The following ART1 variants were observed in gnomAD, a reference collection of about 807,000 sequenced individuals.
ART1 encodes the protein GPI-linked NAD(P)(+)--arginine ADP-ribosyltransferase 1.
ART1 carries 29 observed loss-of-function variants against 27.0 expected under a neutral mutation model. The ratio of observed to expected loss-of-function variants is 1.08; its 90% CI spans 0.80 to 1.47. The LOEUF is 1.47. ART1 is among the 40% of genes most tolerant of loss of function. The pLI is 0.00. For synonymous variants in ART1, 201 were observed against 172.2 expected (o/e 1.17, Z -1.31); for missense variants, 480 against 423.0 (o/e 1.13, Z -1.18).
intron 1 of ART1, among the ~76,000 whole-genome samples, chr11:3,656,353 G>GGCTT (rs1306852348): frequency 1.5e-5 from 2 of 133,174 alleles, no homozygotes; most frequent in East Asian, 4.2e-4. Flanking sequence ...CCTGTAGCCT[G>GGCTT]GCTTATTTAT....
chr11:3,652,341 G>A (rs547949937), intron 1 of ART1, among the ~76,000 whole-genome samples: 3 of 149,240 alleles, frequency 2.0e-5, no homozygotes, highest in Non-Finnish European at 4.4e-5. Flanking sequence ...TCTGAAAACA[G>A]ACCAGCCTTT....
In ART1 at chr11:3,663,033, A is replaced by ATCTCATC. The variant is rs756357966; in HGVS notation, c.887-1057_887-1056insTCATCTC. On this transcript the variant is annotated intron_variant, in intron 4 of 4. Coordinates refer to ENST00000250693, the MANE Select transcript of ART1 (RefSeq NM_004314.3). ...TCATCTCATCATCTCATCTCATCTC[A>ATCTCATC]TCATCTCATCTCATCTCATCTCATC... Among the ~76,000 whole-genome samples, 348 of 82,412 alleles carry ATCTCATC rather than the reference A, an allele frequency of 4.2e-3. 14 individuals carry two copies. Among genetic ancestry groups the ATCTCATC allele is most frequent in the African/African-American group, 0.016 (332 of 20,866 alleles). The allele number at this position is 82,412 out of a possible 152,430, so 54.1% of individuals were successfully genotyped here.
At chr11:3,655,840 T>G (rs143155983) in intron 1 of ART1, among the ~76,000 whole-genome samples, 273 of 151,694 alleles carry the variant, frequency 1.8e-3, no homozygotes, top group African/African-American at 6.3e-3. Context: ...AGCCCATGAC[T>G]GGATTCTACA....
intron 1 of ART1, among the ~76,000 whole-genome samples, chr11:3,650,627 T>C (rs1027815981): frequency 4.6e-5 from 7 of 152,196 alleles, no homozygotes; most frequent in African/African-American, 1.7e-4. Context: ...TCCCCAACTC[T>C]AGTGCCAACT....
Position 3,661,424 on chromosome 11 carries a change from C to T in ART1, c.886+11C>T. The T allele has an allele frequency of 1.2e-6, 2 of 1,609,316 alleles. No homozygotes were observed. Among genetic ancestry groups the T allele is most frequent in the Non-Finnish European group, 1.7e-6 (2 of 1,178,296 alleles). On this transcript the variant is annotated intron_variant, in intron 4 of 4. Transcript: ENST00000250693. ...ATCTGGATAATTCAGGTAAGGGCTG[C>T]AGGCACCTGTGGGACTCAGTTCAGG...
intron 1 of ART1, among the ~76,000 whole-genome samples, chr11:3,658,213 G>C (rs1369086468): frequency 6.6e-6 from 1 of 151,514 alleles, no homozygotes; most frequent in Non-Finnish European, 1.5e-5. Context: ...GGCACCTCTA[G>C]TCCCAGCTAC....
chr11:3,659,116 G>A (rs2077597130), intron 1 of ART1, 46 bp from the exon 2 acceptor site: 6 of 1,158,920 alleles, frequency 5.2e-6, no homozygotes, highest in Admixed American at 4.0e-5. Flanking sequence ...ACTAAGTGTC[G>A]ATTCATGTTT....
chr11:3,659,826 C>T lies in ART1; in HGVS notation c.307C>T (p.Pro103Ser), dbSNP rs922670653. ...AGAGTGGAGTCTCAGCCCCACCCGT[C>T]CATCCCCGCCACCCCTGGGCTTCCG... is the stretch of plus-strand genomic sequence containing the variant. ...WPEWSLSPTRPSPPPLGFRDE... is the reference protein window; with the variant it reads ...WPEWSLSPTRSSPPPLGFRDE... The change falls in exon 3 of 5, where the codon CCA becomes TCA. Residue 103 changes from proline (P) to serine (S), a missense_variant. Transcript: ENST00000250693. 3 of 1,612,042 alleles carry T rather than the reference C, an allele frequency of 1.9e-6. No individual in the cohort carries two copies. The highest frequency in any genetic ancestry group is 1.7e-6 in the Non-Finnish European group (2 of 1,179,414).
chr11:3,653,681 C>A (rs888394378), intron 1 of ART1, among the ~76,000 whole-genome samples: 1 of 152,154 alleles, frequency 6.6e-6, no homozygotes, highest in South Asian at 2.1e-4. Context: ...CGCTTCTCCT[C>A]TGTGTTTCTA....
Position 3,660,209 on chromosome 11 carries a change from G to A in ART1, c.690G>A (p.Lys230=). The change falls in exon 3 of 5, where the codon AAG becomes AAA. Residue 230 remains lysine (K), a synonymous_variant. Transcript: ENST00000250693. ...GIWTCLGAPI[K]GYSFFPGEEE... is the part of the protein sequence containing the mutation. ...GGACCTGCCTTGGGGCCCCTATCAA[G>A]GGCTACTCCTTCTTCCCTGGAGAGG... 6.2e-7 allele frequency: 1 copy of A among 1,614,072 alleles called. No homozygotes were observed. Among genetic ancestry groups the A allele is most frequent in the East Asian group, 2.2e-5 (1 of 44,870 alleles).
At chr11:3,658,500 C>T (rs1247073855) in intron 1 of ART1, among the ~76,000 whole-genome samples, 2 of 152,116 alleles carry the variant, frequency 1.3e-5, no homozygotes, top group South Asian at 2.1e-4. Context: ...CTTAGGGAAA[C>T]TGGTATCCTC....
intron 1 of ART1, among the ~76,000 whole-genome samples, chr11:3,650,087 C>A (rs1379356625): frequency 1.3e-5 from 2 of 152,160 alleles, no homozygotes; most frequent in African/African-American, 4.8e-5. Flanking sequence ...TTCTGAGTTG[C>A]AACTACTTGT....
chr11:3,663,058 CT>C (rs2077632539), intron 4 of ART1, among the ~76,000 whole-genome samples: 1 of 118,394 alleles, frequency 8.4e-6, no homozygotes, highest in African/African-American at 3.9e-5. Flanking sequence ...CTCATCTCAT[CT>C]CATCTCATCT....
At chr11:3,648,832 CT>C (rs769426327) in intron 1 of ART1, among the ~76,000 whole-genome samples, 11 of 151,648 alleles carry the variant, frequency 7.3e-5, no homozygotes, top group Non-Finnish European at 1.2e-4. Flanking sequence ...CCCTTCTCTG[CT>C]TTTCTGGGGG....
At chr11:3,649,725 A>AT (rs2077502955) in intron 1 of ART1, among the ~76,000 whole-genome samples, 1 of 152,098 alleles carries the variant, frequency 6.6e-6, no homozygotes, top group Non-Finnish European at 1.5e-5. Flanking sequence ...CTGCCCAGCA[A>AT]TTTCCTCTTA....
At chr11:3,661,849 A>T (rs1282325367) in intron 4 of ART1, among the ~76,000 whole-genome samples, 1 of 152,214 alleles carries the variant, frequency 6.6e-6, no homozygotes, top group Non-Finnish European at 1.5e-5. Flanking sequence ...AAAAAAGTGC[A>T]CTAGCTGAAG....
intron 1 of ART1, among the ~76,000 whole-genome samples, chr11:3,654,734 A>G (rs1372847478): frequency 1.0e-5 from 1 of 100,098 alleles, no homozygotes; most frequent in Non-Finnish European, 2.0e-5. Flanking sequence ...TCCACCTCCT[A>G]CCTCTGTCTA....
intron 1 of ART1, among the ~76,000 whole-genome samples, chr11:3,657,192 G>T (rs539517660): frequency 1.3e-5 from 2 of 152,146 alleles, no homozygotes; most frequent in Admixed American, 6.5e-5. Context: ...GTGTGAAGGC[G>T]CATATATTCA....
At chr11:3,663,076 A>ATCTCATCATC (rs1554883212) in intron 4 of ART1, among the ~76,000 whole-genome samples, 7 of 74,600 alleles carry the variant, frequency 9.4e-5, no homozygotes, top group Non-Finnish European at 7.4e-5. Flanking sequence ...ATCTCATCTC[A>ATCTCATCATC]TCATCTCATC....
Sources: allele counts gnomAD v4.1 joint callset (sites outside exome capture counted in the v4.1 genomes callset), GRCh38; gene constraint gnomAD v4.1.1; transcripts MANE v1.5; gene names NCBI Gene and HGNC (gene_info 2026-07-23, HGNC 2026-07-21).